Variants in INTS12 observed in about 807,000 individuals in gnomAD.
INTS12 encodes the protein PHD finger protein 22.
In INTS12, 13 loss-of-function variants were observed where a neutral mutation model predicts 41.6. The ratio of observed to expected loss-of-function variants is 0.31; its 90% CI spans 0.20 to 0.50. The LOEUF (loss-of-function observed/expected upper bound fraction) is 0.50, where lower values mean the gene tolerates loss of function less well. Ranked by LOEUF, INTS12 falls within the 20% of genes least tolerant of loss-of-function variation. INTS12 has a pLI of 0.98. For synonymous variants in INTS12, 199 were observed against 191.4 expected, an observed-to-expected ratio of 1.04 and a Z score of -0.33; for missense variants, 432 against 541.6, an observed-to-expected ratio of 0.80 and a Z score of 2.01.
chr4:105,700,460 C>G (rs997556755), intron 2 of INTS12, among the ~76,000 whole-genome samples: 7 of 151,632 alleles, frequency 4.6e-5, no homozygotes, highest in Middle Eastern at 3.4e-3. Context: ...TAAGGGCTAT[C>G]GTAAGAGGGC....
chr4:105,693,575 A>G, intron 4 of INTS12, 89 bp from the exon 5 acceptor site: 3 of 1,030,962 alleles, frequency 2.9e-6, no homozygotes, highest in Non-Finnish European at 2.9e-6. Flanking sequence ...GACAATTGGC[A>G]ATGAACAAGT....
At chr4:105,706,535 C>T (rs986351556) in intron 1 of INTS12, 1 of 152,132 alleles carries the variant, frequency 6.6e-6, no homozygotes, top group African/African-American at 2.4e-5. Flanking sequence ...CAAGTGCGAG[C>T]CAAATCTCTT....
intron 6 of INTS12, chr4:105,687,145 A>T (rs896840765): frequency 3.3e-6 from 1 of 304,268 alleles, no homozygotes; most frequent in Non-Finnish European, 6.2e-6. Context: ...ACTATATGTA[A>T]CCGTTAGCTT....
At chr4:105,691,790 C>T (rs1455103196) in intron 6 of INTS12, among the ~76,000 whole-genome samples, 186 bp downstream of exon 6, 1 of 152,116 alleles carries the variant, frequency 6.6e-6, no homozygotes, top group Non-Finnish European at 1.5e-5. Context: ...GAAAAATGCA[C>T]ATAACATGGT....
intron 1 of INTS12, chr4:105,708,313 A>G: frequency 1.0e-6 from 1 of 985,584 alleles, no homozygotes; most frequent in Non-Finnish European, 1.2e-6. Flanking sequence ...AGGGGAGCCA[A>G]AAGATGAGAG....
intron 6 of INTS12, among the ~76,000 whole-genome samples, chr4:105,690,503 G>A (rs1203175271): frequency 5.9e-5 from 9 of 151,842 alleles, no homozygotes; most frequent in African/African-American, 2.2e-4. Flanking sequence ...ATGGGATATG[G>A]AATTAAAAGA....
At chr4:105,701,963 A>G (rs1482255754) in intron 2 of INTS12, among the ~76,000 whole-genome samples, 2 of 152,136 alleles carry the variant, frequency 1.3e-5, no homozygotes, top group Non-Finnish European at 1.5e-5. Flanking sequence ...CAACACCAAC[A>G]TTCCAGTTGG....
chr4:105,702,896 C>T, intron 2 of INTS12: 2 of 984,448 alleles, frequency 2.0e-6, no homozygotes, highest in East Asian at 2.3e-4. Flanking sequence ...CTTTACTCCC[C>T]CTTTTCTGTT....
chr4:105,683,211 C>A lies in INTS12; in HGVS notation c.911G>T (p.Gly304Val). The A allele has an allele frequency of 1.9e-6, 3 of 1,613,976 alleles. No individual in the cohort carries two copies. Among genetic ancestry groups the A allele is most frequent in the Non-Finnish European group, 2.5e-6 (3 of 1,179,926 alleles). Reference protein sequence around the residue: ...AAFAAKTSSAGPSTAKLSSTT... With the variant: ...AAFAAKTSSAVPSTAKLSSTT... The stretch of plus-strand genomic sequence containing the variant: ...TGAACTCAATTTTGCTGTTGAAGGA[C>A]CAGCAGAGGAAGTTTTGGCTGCAAA... Residue 304 changes from glycine (G) to valine (V), a missense_variant, in exon 8 of 8, where the codon GGT (glycine) becomes GTT (valine). Physicochemically the swap from Gly to Val is moderately radical, Grantham distance 109. Transcript: ENST00000340139.
Position 105,683,117 on chromosome 4 carries a change from A to C in INTS12, c.1005T>G (p.Gly335=), listed in dbSNP as rs757345049. Residue 335 remains glycine, a synonymous_variant, in exon 8 of 8, where the codon GGT becomes GGG. Coordinates refer to ENST00000340139, the MANE Select transcript of INTS12 (RefSeq NM_020395.4). ...TTCCACCTTTGGATGATGTTGCCAG[A>C]CCAGTCAAACCCACAGGTTTCTGGT... ...SANQKPVGLT[G]LATSSKGGIG... is the part of the protein sequence containing the mutation. The C allele has an allele frequency of 1.2e-6, 2 of 1,614,086 alleles. No homozygotes were observed. The highest frequency in any genetic ancestry group is 1.7e-6 in the Non-Finnish European group (2 of 1,179,970).
At chr4:105,688,813 C>A (rs1445636675) in intron 6 of INTS12, among the ~76,000 whole-genome samples, 1 of 152,206 alleles carries the variant, frequency 6.6e-6, no homozygotes, top group Admixed American at 6.5e-5. Flanking sequence ...GATCATGTTT[C>A]AATCTTCTGC....
At chr4:105,706,254 CTTTTTTTTTTTTT>C (rs757516945) in intron 1 of INTS12, 2 of 125,404 alleles carry the variant, frequency 1.6e-5, no homozygotes. Flanking sequence ...ACTTCAATCT[CTTTTTTTTTTTTT>C]TTTTTTTTGA....
At chr4:105,700,705 A>AC (rs1732036400) in intron 2 of INTS12, among the ~76,000 whole-genome samples, 1 of 139,066 alleles carries the variant, frequency 7.2e-6, no homozygotes, top group South Asian at 2.2e-4. Flanking sequence ...TATCTACTTA[A>AC]AACACACACA....
chr4:105,708,188 G>A (rs575670181), intron 1 of INTS12: 2 of 985,284 alleles, frequency 2.0e-6, no homozygotes, highest in Admixed American at 6.1e-5. Context: ...AAAAGGCTCC[G>A]ATTCCAAACC....
At chr4:105,687,937 G>A (rs1386212126) in intron 6 of INTS12, among the ~76,000 whole-genome samples, 1 of 151,860 alleles carries the variant, frequency 6.6e-6, no homozygotes, top group Non-Finnish European at 1.5e-5. Flanking sequence ...TGGGCAACAA[G>A]AGCAAAACTC....
intron 1 of INTS12, among the ~76,000 whole-genome samples, chr4:105,704,805 C>T (rs1049553345): frequency 3.3e-5 from 5 of 152,182 alleles, no homozygotes; most frequent in African/African-American, 1.2e-4. Context: ...CTTCCCACTT[C>T]CTTAATTCCC....
chr4:105,693,137 T>A (rs909231964), intron 5 of INTS12, among the ~76,000 whole-genome samples, 162 bp downstream of exon 5: 2 of 152,332 alleles, frequency 1.3e-5, no homozygotes, highest in South Asian at 2.1e-4. Flanking sequence ...TATGCTAAAT[T>A]GTTATATGGG....
chr4:105,694,133 G>A (rs1731779176), intron 4 of INTS12, among the ~76,000 whole-genome samples: 1 of 152,130 alleles, frequency 6.6e-6, no homozygotes, highest in Non-Finnish European at 1.5e-5. Context: ...ATCTAATTGT[G>A]CATCAGTAGG....
At chr4:105,700,628 C>T (rs1732032645) in intron 2 of INTS12, among the ~76,000 whole-genome samples, 1 of 149,316 alleles carries the variant, frequency 6.7e-6, no homozygotes, top group South Asian at 2.1e-4. Context: ...TATTTGATCA[C>T]ATTTAGATTG....
Sources: gnomAD v4.1 joint callset for allele counts (sites outside exome capture counted in the v4.1 genomes callset) on GRCh38, gnomAD v4.1.1 for gene constraint, MANE v1.5 for transcripts, NCBI Gene and HGNC (gene_info 2026-07-23, HGNC 2026-07-21) for gene names.